The following C2CD5 variants were observed in gnomAD, a reference collection of about 807,000 sequenced individuals.
The protein encoded by C2CD5 is C2 calcium dependent domain containing 5.
Under a neutral mutation model 130.3 loss-of-function variants are expected in C2CD5, and 109 were observed. The observed-to-expected ratio is 0.84, with a 90% confidence interval of 0.72 to 0.98. The LOEUF (loss-of-function observed/expected upper bound fraction) is 0.98. Among genes scored for constraint, C2CD5 ranks in the 50% least tolerant of loss-of-function variants. The pLI, the probability that C2CD5 is intolerant of heterozygous loss-of-function variation, is 0.00. For missense variants in C2CD5, 996 were observed against 1,261.8 expected (o/e 0.79, Z 3.19); for synonymous variants, 454 against 429.2 (o/e 1.06, Z -0.71).
intron 2 of C2CD5, 136 bp downstream of exon 2, chr12:22,543,925 T>C (rs768541080): frequency 4.4e-5 from 29 of 657,082 alleles, no homozygotes; most frequent in Non-Finnish European, 7.5e-5. Context: ...TCATCCCTCG[T>C]GGGAGAGCTG....
At chr12:22,478,617 G>A (rs959156484) in intron 14 of C2CD5, 140 bp from the exon 15 acceptor site, 103 of 657,132 alleles carry the variant, frequency 1.6e-4, no homozygotes, top group African/African-American at 4.2e-4. Context: ...AGGCCAAGGC[G>A]GGCAGATCAC....
At chr12:22,500,107 C>T (rs537958482) in intron 10 of C2CD5, among the ~76,000 whole-genome samples, 1 of 152,236 alleles carries the variant, frequency 6.6e-6, no homozygotes, top group South Asian at 2.1e-4. Flanking sequence ...TCACTTGAAC[C>T]TGGGAGGCGG....
intron 10 of C2CD5, among the ~76,000 whole-genome samples, chr12:22,496,690 T>A (rs1053949912): frequency 2.0e-5 from 3 of 149,510 alleles, no homozygotes; most frequent in African/African-American, 7.3e-5. Context: ...AATTATATAT[T>A]TTATATATAA....
chr12:22,531,275 T>C (rs1951249126), intron 3 of C2CD5, among the ~76,000 whole-genome samples: 7 of 152,064 alleles, frequency 4.6e-5, no homozygotes, highest in Admixed American at 4.6e-4. Context: ...AAAAGAAAAA[T>C]TTGTACATAT....
chr12:22,535,019 CAATAAT>C (rs139454309), intron 3 of C2CD5: 7 of 308,078 alleles, frequency 2.3e-5, no homozygotes, highest in Non-Finnish European at 4.1e-5. Context: ...GAGAAAACTA[CAATAAT>C]AATAATATAA....
At chr12:22,543,749 T>G (rs1952648928) in intron 2 of C2CD5, among the ~76,000 whole-genome samples, 2 of 152,092 alleles carry the variant, frequency 1.3e-5, no homozygotes, top group Admixed American at 1.3e-4. Context: ...TGTCGGTGGC[T>G]GCGCGGCCAC....
chr12:22,542,716 A>C (rs577771350), intron 2 of C2CD5, among the ~76,000 whole-genome samples: 2 of 152,340 alleles, frequency 1.3e-5, no homozygotes, highest in South Asian at 4.1e-4. Context: ...AAGAGAACAA[A>C]CTGTCAGGCT....
chr12:22,510,817 GTAAAA>G (rs1447873377), intron 9 of C2CD5, among the ~76,000 whole-genome samples: 1 of 152,100 alleles, frequency 6.6e-6, no homozygotes, highest in East Asian at 1.9e-4. Context: ...TTTCTCACAG[GTAAAA>G]TAAAAGTCTT....
Position 22,523,554 on chromosome 12 carries a change from C to T in C2CD5, c.672G>A (p.Gln224=), listed in dbSNP as rs1393853257. Residue 224 remains glutamine, a synonymous_variant, in exon 7 of 27, where the codon CAG becomes CAA. Coordinates refer to ENST00000446597, the MANE Select transcript of C2CD5 (RefSeq NM_001286176.2). ...MRGNAVVGYL[Q]CFDLEGESGL... ...CAGACTCGCCCTCCAGATCGAAACA[C>T]TGTAAGTACCCCACAACTGCATTTC... is the stretch of plus-strand genomic sequence containing the variant. 3 of 1,614,048 alleles carry T rather than the reference C, an allele frequency of 1.9e-6. No individual in the cohort carries two copies. In the East Asian group the frequency reaches 6.7e-5, roughly 36 times the overall value.
intron 9 of C2CD5, among the ~76,000 whole-genome samples, chr12:22,509,017 C>G (rs1341125384): frequency 1.3e-5 from 2 of 151,734 alleles, no homozygotes; most frequent in Admixed American, 6.6e-5. Flanking sequence ...GCTGGGACTA[C>G]AGGCGCCCGC....
chr12:22,461,533 T>C (rs1413400786), intron 22 of C2CD5, among the ~76,000 whole-genome samples: 1 of 152,170 alleles, frequency 6.6e-6, no homozygotes, highest in Non-Finnish European at 1.5e-5. Flanking sequence ...AAAAACAAGG[T>C]ACACAATGAT....
At chr12:22,466,749 A>G (rs1346766809) in intron 22 of C2CD5, among the ~76,000 whole-genome samples, 1 of 152,226 alleles carries the variant, frequency 6.6e-6, no homozygotes, top group Non-Finnish European at 1.5e-5. Context: ...AAAGGTACAG[A>G]TACACTTTTA....
intron 22 of C2CD5, 98 bp downstream of exon 22, chr12:22,469,611 T>C: frequency 1.6e-6 from 1 of 614,504 alleles, no homozygotes; most frequent in Admixed American, 3.4e-5. Context: ...GAAGGATAAA[T>C]TTTCACCTCA....
chr12:22,461,405 T>C (rs1941128715), intron 22 of C2CD5, among the ~76,000 whole-genome samples: 2 of 152,208 alleles, frequency 1.3e-5, no homozygotes, highest in Non-Finnish European at 2.9e-5. Flanking sequence ...CTTGATATTA[T>C]CTGAGTAATA....
chr12:22,493,106 G>A (rs1946563486), intron 11 of C2CD5, 117 bp downstream of exon 11: 1 of 559,440 alleles, frequency 1.8e-6, no homozygotes, highest in East Asian at 2.8e-5. Flanking sequence ...TGTACTCCAA[G>A]GCCCATGCTC....
At chr12:22,490,913 C>T (rs1280782508) in intron 11 of C2CD5, among the ~76,000 whole-genome samples, 1 of 151,782 alleles carries the variant, frequency 6.6e-6, no homozygotes, top group South Asian at 2.1e-4. Flanking sequence ...TAAATAAAAC[C>T]CAGAAATAAA....
chr12:22,503,802 G>A (rs747481895), intron 10 of C2CD5, among the ~76,000 whole-genome samples: 16 of 152,158 alleles, frequency 1.1e-4, no homozygotes, highest in Non-Finnish European at 1.6e-4. Context: ...GTAAGCAACC[G>A]TGCCCAGTCA....
rs1942848017 is a variant in C2CD5 at position 22,470,488 on chromosome 12, C to T, written c.2446+336G>A. 2.6e-5 allele frequency among the ~76,000 whole-genome samples: 4 copies of T among 152,224 alleles called. No individual in the cohort carries two copies. In the South Asian group the frequency reaches 8.3e-4, roughly 32 times the overall value. On this transcript the variant is annotated intron_variant, in intron 21 of 26. Transcript: ENST00000446597. ...CACAGGCACACAATTGTGCTTACTA[C>T]ATCAGTAGGTCCTCAGATGCCTTGA...
rs376332588 is a variant in C2CD5 at position 22,481,695 on chromosome 12, C to T, written c.1737+862G>A. ...TTTGAGACAGAGCCTCACTCTGTCG[C>T]CTCGGTTGGAGTGCAGTGATGTGAT... On this transcript the variant is annotated intron_variant, in intron 14 of 26. Coordinates refer to ENST00000446597, the MANE Select transcript of C2CD5 (RefSeq NM_001286176.2). 1.7e-4 allele frequency among the ~76,000 whole-genome samples: 24 copies of T among 145,100 alleles called. 1 individual carries two copies. The highest frequency in any genetic ancestry group is 1.6e-3 in the East Asian group (8 of 4,992).
Sources: allele counts gnomAD v4.1 joint callset (sites outside exome capture counted in the v4.1 genomes callset), GRCh38; gene constraint gnomAD v4.1.1; transcripts MANE v1.5; gene names NCBI Gene and HGNC (gene_info 2026-07-23, HGNC 2026-07-21).